The following ATG2A variants were observed in gnomAD, a reference collection of about 807,000 sequenced individuals.
ATG2A encodes autophagy related 2A.
Under a neutral mutation model 214.2 loss-of-function variants are expected in ATG2A, and 103 were observed. The ratio of observed to expected loss-of-function variants is 0.48; its 90% CI spans 0.41 to 0.57. The LOEUF (loss-of-function observed/expected upper bound fraction) is 0.57, where lower values mean the gene tolerates loss of function less well. Ranked by LOEUF, ATG2A falls within the 20% of genes least tolerant of loss-of-function variation. The probability of loss-of-function intolerance (pLI) is 0.00; values close to 1 mark genes in which losing one functional copy is unlikely to be tolerated. For missense variants in ATG2A, 2,312 were observed against 2,613.2 expected (o/e 0.88, Z 2.51); for synonymous variants, 1,160 against 1,142.1 (o/e 1.02, Z -0.32).
chr11:64,915,520 T>C lies in ATG2A; in HGVS notation c.172-1020A>G, dbSNP rs1452233669. ...CAGAGGCCCCAGATACTCAGTTTCT[T>C]TGGGGGCCTTCAAGGCGGGGCCTGC... is the stretch of plus-strand genomic sequence containing the variant. On this transcript the variant is annotated intron_variant, in intron 1 of 40. Transcript: ENST00000377264. Among the ~76,000 whole-genome samples the C allele has an allele frequency of 2.6e-5, 4 of 152,050 alleles. No homozygotes were observed. In the East Asian group the frequency reaches 5.8e-4, roughly 22 times the overall value.
In ATG2A at chr11:64,898,561, T is replaced by C; in HGVS notation, c.4671+75A>G. 1 of 1,534,516 alleles carries C rather than the reference T, an allele frequency of 6.5e-7. No homozygotes were observed. The highest frequency in any genetic ancestry group is 9.0e-7 in the Non-Finnish European group (1 of 1,112,338). Reference sequence around the variant, plus strand: ...GTGGGAATGCGTGTATGTGTGTGAATCCATGCATGCGTGAAGATGTATCCC... The same window carrying C: ...GTGGGAATGCGTGTATGTGTGTGAACCCATGCATGCGTGAAGATGTATCCC... On this transcript the variant is annotated intron_variant, in intron 32 of 40. Transcript: ENST00000377264. The surrounding 1 kb of genome is among the most constrained non-coding windows in gnomAD (Gnocchi z 4.5).
At chr11:64,912,284 G>GCCCGGGCCCCCC in intron 7 of ATG2A, 35 bp from the exon 8 acceptor site, 2 of 1,602,342 alleles carry the variant, frequency 1.2e-6, no homozygotes, top group Non-Finnish European at 1.7e-6. Flanking sequence ...GGGCTGGCTG[G>GCCCGGGCCCCCC]CCCTCCCAGC....
intron 9 of ATG2A, 109 bp from the exon 10 acceptor site, chr11:64,911,384 A>C: frequency 8.0e-6 from 9 of 1,119,798 alleles, no homozygotes; most frequent in Non-Finnish European, 1.2e-5. Context: ...CTGCCCCACC[A>C]TGTGGCTCTG....
rs777140977 is a variant in ATG2A, at chr11:64,910,712, G to C, written c.1615-4C>G. ...GCGTACCAGGAAAGGTCAGGATCTG[G>C]GATGGGACCCGGGAGGCACACAGGG... On this transcript the variant is annotated splice_polypyrimidine_tract_variant and splice_region_variant and intron_variant, in intron 11 of 40. Coordinates refer to ENST00000377264, the MANE Select transcript of ATG2A (RefSeq NM_015104.3). The C allele has an allele frequency of 6.2e-7, 1 of 1,610,338 alleles. No individual in the cohort carries two copies. Among genetic ancestry groups the C allele is most frequent in the Non-Finnish European group, 8.5e-7 (1 of 1,178,584 alleles).
Position 64,902,350 on chromosome 11 carries a change from G to T in ATG2A, c.3814C>A (p.Pro1272Thr), listed in dbSNP as rs752478622. 16 of 1,601,292 alleles carry T rather than the reference G, an allele frequency of 1.0e-5. No individual in the cohort carries two copies. Among genetic ancestry groups the T allele is most frequent in the Non-Finnish European group, 1.4e-5 (16 of 1,174,902 alleles). The change falls in exon 28 of 41, where the codon CCA becomes ACA. Residue 1272 changes from proline (P) to threonine (T), a missense_variant. By Grantham distance (38) the Pro-to-Thr change is conservative. Coordinates refer to ENST00000377264, the MANE Select transcript of ATG2A (RefSeq NM_015104.3). ...TGGTTGATGAGGGCCGTCTCCACTGGGGGGCACGAGGGCAGAGAGGCAGGA... is the reference window on the plus strand; with the variant it reads ...TGGTTGATGAGGGCCGTCTCCACTGTGGGGCACGAGGGCAGAGAGGCAGGA... ...ESPASLPSCPPVETALINQRD... is the reference protein window; with the variant it reads ...ESPASLPSCPTVETALINQRD...
At chr11:64,912,551 G>T in intron 6 of ATG2A, 128 bp from the exon 7 acceptor site, 1 of 750,172 alleles carries the variant, frequency 1.3e-6, no homozygotes. Context: ...TTACCAACTA[G>T]CTCTATGAAC....
At position 64,903,639 on chromosome 11, in the gene ATG2A, G is replaced by A; in HGVS notation, c.3486C>T (p.Ala1162=). The A allele has an allele frequency of 6.5e-7, 1 of 1,550,068 alleles. No homozygotes were observed. Among genetic ancestry groups the A allele is most frequent in the Non-Finnish European group, 8.7e-7 (1 of 1,146,528 alleles). The change falls in exon 25 of 41, where the codon GCC becomes GCT. Residue 1162 remains alanine (A), a synonymous_variant. Transcript: ENST00000377264. This position sits in a 1 kb window ranked among gnomAD's most constrained non-coding sequence, Gnocchi z 4.2. The part of the protein sequence containing the change: ...FLLRFILDDS[A]LYLSDKCEVE... ...CCTCACACTTGTCGGACAGGTACAA[G>A]GCGGAGTCATCGAGGATGAACCTGG...
chr11:64,916,362 A>G (rs1296665112), intron 1 of ATG2A, among the ~76,000 whole-genome samples: 1 of 152,108 alleles, frequency 6.6e-6, no homozygotes, highest in East Asian at 1.9e-4. Context: ...CACTTGGCCC[A>G]TCCCACTCTC....
At position 64,894,924 on chromosome 11, in the gene ATG2A, G is replaced by C. The variant is rs758639475; in HGVS notation, c.*49C>G. On this transcript the variant is annotated 3_prime_UTR_variant, in exon 41 of 41. Coordinates refer to ENST00000377264, the MANE Select transcript of ATG2A (RefSeq NM_015104.3). ...GCCCGTGGGCTGCAGCTCTTGGGAG[G>C]CTCAGGAGCATGGTGGGCAGCACCC... 3.2e-5 allele frequency: 51 copies of C among 1,599,400 alleles called. No homozygotes were observed. Among genetic ancestry groups the C allele is most frequent in the Non-Finnish European group, 4.2e-5 (49 of 1,170,638 alleles).
At chr11:64,899,929 A>G (rs1206687) in intron 31 of ATG2A, among the ~76,000 whole-genome samples, 1 of 149,224 alleles carries the variant, frequency 6.7e-6, no homozygotes, top group Non-Finnish European at 1.5e-5. Context: ...GGCGATCTCA[A>G]CTCACTGCAA....
At position 64,898,793 on chromosome 11, in the gene ATG2A, G is replaced by A. The variant is rs375430002; in HGVS notation, c.4514C>T (p.Ala1505Val). The change falls in exon 32 of 41, where the codon GCG (alanine) becomes GTG (valine). Residue 1505 changes from alanine (A) to valine (V), a missense_variant. Physicochemically the swap from Ala to Val is moderately conservative, Grantham distance 64. Transcript: ENST00000377264. The surrounding 1 kb of genome is among the most constrained non-coding windows in gnomAD (Gnocchi z 4.5). ...CTCCTCCAGCTCCTGGCTGGGGGCC[G>A]CAGGGCCTGTGGCTGGCTCCGCTGG... ...VYPAEPATGP[A>V]APSQELEERP... The A allele has an allele frequency of 1.6e-4, 264 of 1,613,342 alleles. No individual in the cohort carries two copies. The highest frequency in any genetic ancestry group is 2.2e-4 in the Non-Finnish European group (255 of 1,180,016).
At position 64,910,683 on chromosome 11, in the gene ATG2A, C is replaced by T. The variant is rs747727321; in HGVS notation, c.1640G>A (p.Gly547Asp). ...GCAGGGCCGAGCTGAGGCCTGGGAG[C>T]CCAGCGTACCAGGAAAGGTCAGGAT... ...TEILTFPGTL[G>D]SQASARPCAH... Residue 547 changes from glycine (G) to aspartate (D), a missense_variant, in exon 12 of 41, where the codon GGC becomes GAC. Physicochemically the swap from Gly to Asp is moderately conservative, Grantham distance 94 (BLOSUM62 -1). Coordinates refer to ENST00000377264, the MANE Select transcript of ATG2A (RefSeq NM_015104.3). The T allele has an allele frequency of 6.2e-6, 10 of 1,610,044 alleles. No individual in the cohort carries two copies. The South Asian group carries it at 7.7e-5, about 12-fold the overall frequency.
At position 64,913,495 on chromosome 11, in the gene ATG2A, G is replaced by C. The variant is rs941809241; in HGVS notation, c.591-94C>G. The C allele has an allele frequency of 7.0e-7, 1 of 1,425,358 alleles. No homozygotes were observed. Among genetic ancestry groups the C allele is most frequent in the Non-Finnish European group, 9.3e-7 (1 of 1,078,800 alleles). The allele number at this position is 1,425,358 out of a possible 1,614,324, so 88.3% of individuals were successfully genotyped here. ...TCTGCTCTAGGGGCACGGGGTCAGG[G>C]AGCCTAGCCTGCAGAGCTGCCCCAT... is the stretch of plus-strand genomic sequence containing the variant. On this transcript the variant is annotated intron_variant, in intron 4 of 40. Transcript: ENST00000377264. The surrounding 1 kb of genome is among the most constrained non-coding windows in gnomAD (Gnocchi z 4.3).
chr11:64,904,917 G>A (rs951326884), intron 24 of ATG2A, among the ~76,000 whole-genome samples: 1 of 152,040 alleles, frequency 6.6e-6, no homozygotes, highest in Non-Finnish European at 1.5e-5. Flanking sequence ...GTGCAGTGGC[G>A]CAATCTTCGC....
intron 30 of ATG2A, 89 bp downstream of exon 30, chr11:64,900,795 G>T: frequency 6.8e-7 from 1 of 1,462,150 alleles, no homozygotes; most frequent in Non-Finnish European, 9.1e-7. Context: ...GGTGGATGGG[G>T]CTCAAGGTCT....
chr11:64,915,853 A>AG (rs979917523), intron 1 of ATG2A, among the ~76,000 whole-genome samples: 2 of 152,126 alleles, frequency 1.3e-5, no homozygotes, highest in Non-Finnish European at 2.9e-5. Context: ...TTAGAGGCTG[A>AG]GGCTAAGGTT....
chr11:64,900,285 A>G (rs1166309152), intron 31 of ATG2A, among the ~76,000 whole-genome samples: 1 of 151,840 alleles, frequency 6.6e-6, no homozygotes, highest in African/African-American at 2.4e-5. Flanking sequence ...GACCCTCCCC[A>G]GCACACCTGT....
chr11:64,901,237 G>A (rs1158919565), intron 29 of ATG2A, 145 bp from the exon 30 acceptor site: 2 of 782,310 alleles, frequency 2.6e-6, no homozygotes, highest in Non-Finnish European at 4.0e-6. Context: ...AGGCTGGAGT[G>A]CAGTGGCACA....
rs1301760828 is a variant in ATG2A, at chr11:64,914,432, G to A, written c.240C>T (p.Ile80=). The A allele has an allele frequency of 1.2e-6, 2 of 1,612,758 alleles. No homozygotes were observed. The highest frequency in any genetic ancestry group is 1.7e-6 in the Non-Finnish European group (2 of 1,179,752). ...GAGCAGCCCAGGGCACGGCCACCTC[G>A]ATGGAGCCCACGAAGCCTTCCACCA... ...LELVEGFVGS[I]EVAVPWAALL... Residue 80 remains isoleucine (I), a synonymous_variant, in exon 2 of 41, where the codon ATC becomes ATT. Coordinates refer to ENST00000377264, the MANE Select transcript of ATG2A (RefSeq NM_015104.3).
Sources: gnomAD v4.1 joint callset for allele counts (sites outside exome capture counted in the v4.1 genomes callset) on GRCh38, gnomAD v4.1.1 for gene constraint, Gnocchi (gnomAD v3.1) non-coding constraint, MANE v1.5 for transcripts, NCBI Gene and HGNC (gene_info 2026-07-23, HGNC 2026-07-21) for gene names.